The following WDR20 variants were observed in gnomAD, a reference collection of about 807,000 sequenced individuals.
The protein encoded by WDR20 is WD repeat-containing protein 20.
WDR20 carries 3 observed loss-of-function variants against 38.7 expected under a neutral mutation model. That is an observed-to-expected ratio of 0.08 (90% CI 0.04 to 0.20). The LOEUF (loss-of-function observed/expected upper bound fraction) is 0.20. WDR20 is among the 10% of genes least tolerant of loss of function. WDR20 has a pLI of 1.00. For missense variants in WDR20, 559 were observed against 727.7 expected, an observed-to-expected ratio of 0.77 and a Z score of 2.67; for synonymous variants, 298 against 285.6, an observed-to-expected ratio of 1.04 and a Z score of -0.44.
At chr14:102,206,969 G>T (rs1444903066) in intron 2 of WDR20, among the ~76,000 whole-genome samples, 3 of 152,214 alleles carry the variant, frequency 2.0e-5, no homozygotes, top group Admixed American at 1.3e-4. Context: ...TGGAAATCCT[G>T]CCAGAGCAGC....
intron 1 of WDR20, among the ~76,000 whole-genome samples, chr14:102,142,444 A>T (rs2051624427): frequency 6.6e-6 from 1 of 152,110 alleles, no homozygotes; most frequent in Non-Finnish European, 1.5e-5. Context: ...ACAGTTGGCT[A>T]TTAAACATGT....
At chr14:102,185,420 A>G (rs1229757681) in intron 1 of WDR20, among the ~76,000 whole-genome samples, 3 of 152,152 alleles carry the variant, frequency 2.0e-5, no homozygotes, top group Non-Finnish European at 4.4e-5. Context: ...ATGGAGTTAC[A>G]TGGTGATAGA....
In WDR20 at chr14:102,209,333, T is replaced by G. The variant is rs1041088137; in HGVS notation, c.1163T>G (p.Leu388Arg). 2 of 1,614,068 alleles carry G rather than the reference T, an allele frequency of 1.2e-6. No homozygotes were observed. Among genetic ancestry groups the G allele is most frequent in the Non-Finnish European group, 1.7e-6 (2 of 1,180,022 alleles). The change falls in exon 3 of 3, where the codon CTT becomes CGT. Residue 388 changes from leucine to arginine, a missense_variant. Leu to Arg is a moderately radical substitution (Grantham distance 102, BLOSUM62 -2). Transcript: ENST00000342702. The surrounding 1 kb of genome is among the most constrained non-coding windows in gnomAD (Gnocchi z 6.0). Reference sequence around the variant, plus strand: ...TTATGGGACCTTACAGAAGATATCCTTTTCCCTCACCAACCCCTCTCAAGA... The same window carrying G: ...TTATGGGACCTTACAGAAGATATCCGTTTCCCTCACCAACCCCTCTCAAGA... ...LCLWDLTEDI[L>R]FPHQPLSRAR...
downstream of WDR20, among the ~76,000 whole-genome samples, chr14:102,217,664 T>C (rs777104294): frequency 6.6e-6 from 1 of 152,244 alleles, no homozygotes; most frequent in African/African-American, 2.4e-5. Context: ...ATGTAGAGAC[T>C]GGCTTCGGGT....
intron 2 of WDR20, among the ~76,000 whole-genome samples, chr14:102,197,259 T>C (rs1191265763): frequency 6.6e-6 from 1 of 152,186 alleles, no homozygotes; most frequent in Non-Finnish European, 1.5e-5. Context: ...GGACCCACCA[T>C]GCATGGTTGC....
At chr14:102,219,394 G>A (rs902131211), downstream of WDR20, among the ~76,000 whole-genome samples, 4 of 152,198 alleles carry the variant, frequency 2.6e-5, no homozygotes, top group Non-Finnish European at 5.9e-5. Context: ...CTGCCACCCG[G>A]AGTGCTGTGT....
At chr14:102,148,435 G>C (rs933884172) in intron 1 of WDR20, among the ~76,000 whole-genome samples, 13 of 151,866 alleles carry the variant, frequency 8.6e-5, no homozygotes, top group African/African-American at 2.9e-4. Context: ...AGCTATTCAG[G>C]TGGCTTAGGT....
intron 2 of WDR20, among the ~76,000 whole-genome samples, chr14:102,203,017 C>G (rs1159715042): frequency 6.6e-6 from 1 of 152,228 alleles, no homozygotes; most frequent in East Asian, 1.9e-4. Context: ...GCCACGCTGC[C>G]CATGGTCAAG....
intron 1 of WDR20, among the ~76,000 whole-genome samples, chr14:102,152,759 A>G (rs1325245027): frequency 6.6e-6 from 1 of 152,108 alleles, no homozygotes; most frequent in African/African-American, 2.4e-5. Context: ...TAAAGTAGAC[A>G]CTATTAGTAT....
intron 1 of WDR20, 84 bp downstream of exon 1, chr14:102,140,256 C>G: frequency 6.4e-7 from 1 of 1,564,790 alleles, no homozygotes; most frequent in Non-Finnish European, 8.6e-7. Flanking sequence ...CCAGGGTGAC[C>G]GAGAGGGGTG....
intron 1 of WDR20, among the ~76,000 whole-genome samples, chr14:102,184,569 C>A (rs546928487): frequency 6.6e-6 from 1 of 152,094 alleles, no homozygotes; most frequent in Non-Finnish European, 1.5e-5. Flanking sequence ...ACCCTCTCCC[C>A]ACCCGATGCA....
chr14:102,201,371 A>G (rs940255238), intron 2 of WDR20, among the ~76,000 whole-genome samples: 13 of 150,734 alleles, frequency 8.6e-5, no homozygotes, highest in Admixed American at 1.3e-4. Flanking sequence ...GATAGTAATG[A>G]AAAAAAAGAA....
intron 1 of WDR20, among the ~76,000 whole-genome samples, chr14:102,171,834 G>T (rs2060880831): frequency 6.6e-6 from 1 of 151,148 alleles, no homozygotes; most frequent in African/African-American, 2.4e-5. Context: ...TAAGGAATAT[G>T]TTTAGTACAT....
intron 1 of WDR20, among the ~76,000 whole-genome samples, chr14:102,188,159 C>T (rs999744911): frequency 1.3e-5 from 2 of 152,120 alleles, no homozygotes; most frequent in Non-Finnish European, 2.9e-5. Context: ...TTCAAAAGAG[C>T]TCTGAGATAT....
At chr14:102,174,641 G>T (rs1220310345) in intron 1 of WDR20, among the ~76,000 whole-genome samples, 1 of 151,918 alleles carries the variant, frequency 6.6e-6, no homozygotes, top group Admixed American at 6.6e-5. Context: ...GGATGATCTC[G>T]ATCTCCTGAC....
Position 102,161,121 on chromosome 14 carries a change from C to CATATATATAT in WDR20, c.249+20962_249+20971dup, listed in dbSNP as rs1180738049. 6.8e-3 allele frequency among the ~76,000 whole-genome samples: 76 copies of CATATATATAT among 11,122 alleles called. 6 individuals are homozygous for CATATATATAT. Among genetic ancestry groups the CATATATATAT allele is most frequent in the East Asian group, 0.032 (4 of 124 alleles). The allele number at this position is 11,122 out of a possible 152,430, so 7.3% of individuals were successfully genotyped here. Reference sequence around the variant, plus strand: ...GATACACTGGGTCAAAGCATAACTGCATATATATATATATATATATATTTT... The same window carrying CATATATATAT: ...GATACACTGGGTCAAAGCATAACTGCATATATATATATATATATATATATATATATATTTT... On this transcript the variant is annotated intron_variant, in intron 1 of 2. Transcript: ENST00000342702.
chr14:102,218,713 GC>G, downstream of WDR20, among the ~76,000 whole-genome samples: 1 of 152,022 alleles, frequency 6.6e-6, no homozygotes, highest in Middle Eastern at 3.4e-3. Flanking sequence ...GGGGAGCCAA[GC>G]AGCTGACTAA....
At chr14:102,202,615 C>T (rs1432691437) in intron 2 of WDR20, among the ~76,000 whole-genome samples, 5 of 151,940 alleles carry the variant, frequency 3.3e-5, no homozygotes, top group Non-Finnish European at 7.4e-5. Flanking sequence ...CTCCTGACCT[C>T]GTGATCCGCC....
chr14:102,175,454 C>T (rs977071689), intron 1 of WDR20, among the ~76,000 whole-genome samples: 6 of 152,102 alleles, frequency 3.9e-5, no homozygotes, highest in East Asian at 1.9e-4. Flanking sequence ...TGACTATAGC[C>T]ATATAGTATA....
Sources: gnomAD v4.1 joint callset for allele counts (sites outside exome capture counted in the v4.1 genomes callset) on GRCh38, gnomAD v4.1.1 for gene constraint, Gnocchi (gnomAD v3.1) non-coding constraint, MANE v1.5 for transcripts, NCBI Gene and HGNC (gene_info 2026-07-23, HGNC 2026-07-21) for gene names.